Variants in ELOVL7 observed in about 807,000 individuals in gnomAD.
ELOVL7 encodes ELOVL fatty acid elongase 7.
Under a neutral mutation model 35.7 loss-of-function variants are expected in ELOVL7, and 27 were observed. The observed-to-expected ratio is 0.76, with a 90% CI of 0.56 to 1.04. The LOEUF is 1.04. ELOVL7 is among the 50% of genes least tolerant of loss of function. The pLI, the probability that ELOVL7 is intolerant of heterozygous loss-of-function variation, is 0.00. For missense variants in ELOVL7, 327 were observed against 340.8 expected, an observed-to-expected ratio of 0.96 and a Z score of 0.32; for synonymous variants, 113 against 114.6, an observed-to-expected ratio of 0.99 and a Z score of 0.09.
Position 60,791,832 on chromosome 5 carries a change from C to T in ELOVL7, c.-34-4401G>A, listed in dbSNP as rs75920425. Among the ~76,000 whole-genome samples, 903 of 152,250 alleles carry T rather than the reference C, an allele frequency of 5.9e-3. 10 individuals are homozygous for T. Among genetic ancestry groups the T allele is most frequent in the Non-Finnish European group, 7.5e-3 (509 of 68,014 alleles). On this transcript the variant is annotated intron_variant, in intron 2 of 8. Coordinates refer to ENST00000508821, the MANE Select transcript of ELOVL7 (RefSeq NM_024930.3). Reference sequence around the variant, plus strand: ...TAAGGCTCGTTAAGTTATTCAGAATCAGAGTGAAATATTCTAGTTTTACAA... The same window carrying T: ...TAAGGCTCGTTAAGTTATTCAGAATTAGAGTGAAATATTCTAGTTTTACAA...
rs948841309 is a variant in ELOVL7 at position 60,764,346 on chromosome 5, A to G, written c.394-14T>C. On this transcript the variant is annotated splice_polypyrimidine_tract_variant and intron_variant, in intron 6 of 8. Transcript: ENST00000508821. ...AACAAAAAAGATCTGAAATAATTTA[A>G]AGAATATCAAGTTCACAGAAAATCA... The G allele has an allele frequency of 2.5e-6, 4 of 1,569,540 alleles. No homozygotes were observed. Among genetic ancestry groups the G allele is most frequent in the Non-Finnish European group, 3.5e-6 (4 of 1,140,404 alleles).
chr5:60,811,831 C>A (rs1035951290), intron 1 of ELOVL7, among the ~76,000 whole-genome samples: 8 of 152,140 alleles, frequency 5.3e-5, no homozygotes, highest in African/African-American at 1.4e-4. Flanking sequence ...TTATACATGA[C>A]CCATTCTTTA....
chr5:60,758,777 C>G (rs369705087), intron 7 of ELOVL7, among the ~76,000 whole-genome samples: 41 of 152,278 alleles, frequency 2.7e-4, no homozygotes, highest in African/African-American at 9.9e-4. Context: ...AGACGACAAT[C>G]TGGAAGAATA....
At chr5:60,793,683 G>T (rs1744076233) in intron 2 of ELOVL7, among the ~76,000 whole-genome samples, 1 of 152,118 alleles carries the variant, frequency 6.6e-6, no homozygotes, top group Non-Finnish European at 1.5e-5. Flanking sequence ...TTTCTGGGAG[G>T]ACTCTCAGAG....
At chr5:60,798,078 CATTG>C (rs1397876123) in intron 2 of ELOVL7, among the ~76,000 whole-genome samples, 1 of 152,158 alleles carries the variant, frequency 6.6e-6, no homozygotes, top group Non-Finnish European at 1.5e-5. Flanking sequence ...TTCTTACATA[CATTG>C]ATTGATGTCT....
intron 1 of ELOVL7, among the ~76,000 whole-genome samples, chr5:60,826,569 T>C (rs1746184539): frequency 6.6e-6 from 1 of 152,294 alleles, no homozygotes; most frequent in Non-Finnish European, 1.5e-5. Flanking sequence ...CAGTGCCTGT[T>C]TTTTAACAAA....
intron 7 of ELOVL7, among the ~76,000 whole-genome samples, chr5:60,761,585 T>C (rs1174450728): frequency 1.3e-5 from 2 of 152,078 alleles, no homozygotes; most frequent in African/African-American, 4.8e-5. Flanking sequence ...ACATATTTCT[T>C]AGGTTTGGGG....
chr5:60,817,720 A>G (rs186257317), intron 1 of ELOVL7, among the ~76,000 whole-genome samples: 1 of 140,882 alleles, frequency 7.1e-6, no homozygotes, highest in African/African-American at 2.6e-5. Context: ...ATATACACAT[A>G]TGTATATACC....
chr5:60,773,801 C>A (rs1352302633), intron 3 of ELOVL7, among the ~76,000 whole-genome samples: 1 of 152,212 alleles, frequency 6.6e-6, no homozygotes, highest in Non-Finnish European at 1.5e-5. Context: ...TAAAGACTTT[C>A]CACAAAGAAT....
intron 1 of ELOVL7, among the ~76,000 whole-genome samples, chr5:60,836,385 T>C (rs575018646): frequency 3.9e-5 from 6 of 152,120 alleles, no homozygotes; most frequent in Admixed American, 3.9e-4. Context: ...GTCACACCTG[T>C]TAGTCACACA....
At chr5:60,781,498 G>A (rs1459565012) in intron 3 of ELOVL7, among the ~76,000 whole-genome samples, 3 of 152,120 alleles carry the variant, frequency 2.0e-5, no homozygotes, top group Non-Finnish European at 4.4e-5. Context: ...TCTTCCTCTG[G>A]TAGCAGTAGA....
intron 1 of ELOVL7, among the ~76,000 whole-genome samples, chr5:60,816,440 T>C (rs915216142): frequency 5.9e-5 from 9 of 151,344 alleles, no homozygotes; most frequent in African/African-American, 2.2e-4. Context: ...CTACATAGTC[T>C]AAAGACTTTA....
At chr5:60,764,453 C>T in intron 6 of ELOVL7, 121 bp from the exon 7 acceptor site, 3 of 753,204 alleles carry the variant, frequency 4.0e-6, no homozygotes, top group Non-Finnish European at 2.2e-6. Context: ...AAAGTGTTGC[C>T]TTATAGAATG....
At chr5:60,772,124 C>A in intron 3 of ELOVL7, 31 bp from the exon 4 acceptor site, 1 of 1,490,638 alleles carries the variant, frequency 6.7e-7, no homozygotes, top group East Asian at 2.4e-5. Flanking sequence ...GAGTACACAC[C>A]TGCTTAGCCA....
intron 1 of ELOVL7, among the ~76,000 whole-genome samples, chr5:60,827,978 G>A (rs1384267986): frequency 1.4e-5 from 2 of 145,832 alleles, no homozygotes; most frequent in Non-Finnish European, 3.0e-5. Context: ...TCTAGGCTCT[G>A]TGCTGGACCA....
chr5:60,785,804 T>C (rs1308505550), intron 3 of ELOVL7: 1 of 152,150 alleles, frequency 6.6e-6, no homozygotes, highest in African/African-American at 2.4e-5. Flanking sequence ...GTGAAGCTTC[T>C]CTCTCTATGA....
At chr5:60,808,332 G>C (rs1745063224) in intron 1 of ELOVL7, among the ~76,000 whole-genome samples, 1 of 152,078 alleles carries the variant, frequency 6.6e-6, no homozygotes, top group Admixed American at 6.6e-5. Flanking sequence ...TGACTTTATA[G>C]ACAGACTGAG....
chr5:60,767,998 G>T, intron 4 of ELOVL7, 95 bp from the exon 5 acceptor site: 1 of 947,160 alleles, frequency 1.1e-6, no homozygotes, highest in Non-Finnish European at 1.7e-6. Flanking sequence ...TACATTTTCA[G>T]CTAAGTCAAT....
chr5:60,837,221 G>T (rs1388652604), intron 1 of ELOVL7, among the ~76,000 whole-genome samples: 1 of 149,086 alleles, frequency 6.7e-6, no homozygotes, highest in Non-Finnish European at 1.5e-5. Context: ...ATCACCTGAG[G>T]TCGGGAGTCG....
Sources: allele counts gnomAD v4.1 joint callset (sites outside exome capture counted in the v4.1 genomes callset), GRCh38; gene constraint gnomAD v4.1.1; transcripts MANE v1.5; gene names NCBI Gene and HGNC (gene_info 2026-07-23, HGNC 2026-07-21).